GRAMD1B: variants seen among roughly 807,000 people sequenced by gnomAD.
The protein encoded by GRAMD1B is GRAM domain containing 1B.
A neutral mutation model predicts 99.7 loss-of-function variants in GRAMD1B; 37 were observed. The observed-to-expected ratio is 0.37, with a 90% CI of 0.29 to 0.49. The LOEUF (loss-of-function observed/expected upper bound fraction) is 0.49, where lower values mean the gene tolerates loss of function less well. Among genes scored for constraint, GRAMD1B ranks in the 20% least tolerant of loss-of-function variants. The probability of loss-of-function intolerance (pLI) is 0.98; values close to 1 mark genes in which losing one functional copy is unlikely to be tolerated. For missense variants in GRAMD1B, 888 were observed against 1,009.2 expected (o/e 0.88, Z 1.63); for synonymous variants, 427 against 387.6 (o/e 1.10, Z -1.19).
chr11:123,604,791 G>C (rs952470726), intron 9 of GRAMD1B, among the ~76,000 whole-genome samples: 1 of 152,184 alleles, frequency 6.6e-6, no homozygotes, highest in Non-Finnish European at 1.5e-5. Context: ...CGGCATCCCT[G>C]AAGTGTTCCT....
intron 2 of GRAMD1B, among the ~76,000 whole-genome samples, chr11:123,498,851 A>C (rs76597029): frequency 0.013 from 1,994 of 152,334 alleles, 37 homozygotes; most frequent in African/African-American, 0.045. Context: ...GTTAACATAT[A>C]TCCCAAGTGA....
At chr11:123,511,394 T>C (rs1940998893) in intron 2 of GRAMD1B, among the ~76,000 whole-genome samples, 1 of 152,174 alleles carries the variant, frequency 6.6e-6, no homozygotes, top group African/African-American at 2.4e-5. Flanking sequence ...GCCTGGGTGC[T>C]GCGCTGCTCA....
Position 123,577,416 on chromosome 11 carries a change from CG to C in GRAMD1B, c.504del (p.Lys169SerfsTer62). The C allele has an allele frequency of 6.3e-7, 1 of 1,599,280 alleles. No individual in the cohort carries two copies. The highest frequency in any genetic ancestry group is 8.5e-7 in the Non-Finnish European group (1 of 1,173,486). On this transcript the variant is annotated frameshift_variant, in exon 3 of 20. Transcript: ENST00000635736. LOFTEE classifies it high-confidence loss of function. ...CACGCCGGCCTGCTCGCCCATCCTCCGGAAGCGGTCTCGCTCGCCAACCCCG... is the reference window on the plus strand; with the variant it reads ...CACGCCGGCCTGCTCGCCCATCCTCCGAAGCGGTCTCGCTCGCCAACCCCG... ...RSTPACSPIL[R>X]KRSRSPTPQN...
At chr11:123,548,709 G>T (rs1285535779) in intron 2 of GRAMD1B, among the ~76,000 whole-genome samples, 1 of 152,114 alleles carries the variant, frequency 6.6e-6, no homozygotes, top group Non-Finnish European at 1.5e-5. Context: ...CTGAGCTCAG[G>T]TGATCCTCCC....
At chr11:123,502,646 G>C (rs59536683) in intron 2 of GRAMD1B, among the ~76,000 whole-genome samples, 9 of 151,794 alleles carry the variant, frequency 5.9e-5, no homozygotes, top group Non-Finnish European at 1.0e-4. Context: ...GTGGAAGTGC[G>C]TGCCTGTAAT....
Position 123,480,872 on chromosome 11 carries a change from GTCCTCGAGCGCGGGAAGA to G in GRAMD1B, c.432_449del (p.Ser144_Glu150delinsArg). Reference sequence around the variant, plus strand: ...GATGATGATTCTAGCAGGTTCCTGAGTCCTCGAGCGCGGGAAGAAAGGTAAGGTCCAACTCCGAGGGCG... The same window carrying G: ...GATGATGATTCTAGCAGGTTCCTGAGAAGGTAAGGTCCAACTCCGAGGGCG... On this transcript the variant is annotated inframe_deletion, in exon 2 of 20. Transcript: ENST00000635736. 1 of 398,626 alleles carries G rather than the reference GTCCTCGAGCGCGGGAAGA, an allele frequency of 2.5e-6. No individual in the cohort carries two copies. The highest frequency in any genetic ancestry group is 1.3e-4 in the South Asian group (1 of 7,816). 24.7% of individuals were successfully genotyped at this position (398,626 alleles called of 1,614,324 possible). A position where few individuals can be genotyped will look rare whatever the true frequency, so the allele number is the denominator to read the frequency against.
At chr11:123,454,859 A>G (rs1262817557) in intron 1 of GRAMD1B, 1 of 152,244 alleles carries the variant, frequency 6.6e-6, no homozygotes, top group Non-Finnish European at 1.5e-5. Flanking sequence ...TCTGAGAGAT[A>G]GGAGACATAT....
chr11:123,548,753 A>G (rs1201273535), intron 2 of GRAMD1B, among the ~76,000 whole-genome samples: 1 of 152,072 alleles, frequency 6.6e-6, no homozygotes, highest in Admixed American at 6.5e-5. Context: ...AACCTCAAAC[A>G]TGTGTCACCA....
intron 7 of GRAMD1B, among the ~76,000 whole-genome samples, chr11:123,600,033 AT>A (rs1445594362): frequency 6.6e-6 from 1 of 152,204 alleles, no homozygotes; most frequent in Non-Finnish European, 1.5e-5. Flanking sequence ...ACACATGTAG[AT>A]TAGTGCCTAA....
intron 1 of GRAMD1B, among the ~76,000 whole-genome samples, chr11:123,402,776 G>T (rs1947712418): frequency 6.6e-6 from 1 of 151,984 alleles, no homozygotes; most frequent in South Asian, 2.1e-4. Context: ...AAGTAAAGGT[G>T]GTTTTAATAC....
intron 2 of GRAMD1B, among the ~76,000 whole-genome samples, chr11:123,528,103 T>C (rs1453630274): frequency 6.6e-6 from 1 of 152,130 alleles, no homozygotes; most frequent in Non-Finnish European, 1.5e-5. Flanking sequence ...GGCCAAACCT[T>C]GTAGTTGTGG....
chr11:123,482,562 T>C (rs1951670871), intron 2 of GRAMD1B, among the ~76,000 whole-genome samples: 1 of 152,224 alleles, frequency 6.6e-6, no homozygotes, highest in Non-Finnish European at 1.5e-5. Context: ...AACAATAATA[T>C]GACACAACTA....
At chr11:123,518,139 G>A (rs746297963) in intron 2 of GRAMD1B, among the ~76,000 whole-genome samples, 17 of 152,182 alleles carry the variant, frequency 1.1e-4, no homozygotes, top group Non-Finnish European at 2.4e-4. Context: ...TCTGAGGTGT[G>A]TGCATCTTTC....
At chr11:123,557,763 T>C (rs920253023) in intron 2 of GRAMD1B, among the ~76,000 whole-genome samples, 1 of 152,210 alleles carries the variant, frequency 6.6e-6, no homozygotes, top group Admixed American at 6.5e-5. Context: ...TTTTAACCCA[T>C]TGTATTTAAT....
At chr11:123,536,146 G>A (rs1943945895) in intron 2 of GRAMD1B, among the ~76,000 whole-genome samples, 1 of 152,176 alleles carries the variant, frequency 6.6e-6, no homozygotes, top group African/African-American at 2.4e-5. Flanking sequence ...CAGGCGTGGT[G>A]ACTCACACCT....
chr11:123,525,274 C>T (rs1344784579), intron 2 of GRAMD1B, among the ~76,000 whole-genome samples: 4 of 152,202 alleles, frequency 2.6e-5, no homozygotes, highest in African/African-American at 4.8e-5. Flanking sequence ...CCTGGGAGCA[C>T]GCAGCCCTGC....
intron 1 of GRAMD1B, among the ~76,000 whole-genome samples, chr11:123,449,047 C>T (rs1187805237): frequency 6.6e-6 from 1 of 152,214 alleles, no homozygotes; most frequent in Non-Finnish European, 1.5e-5. Flanking sequence ...GTTTCATCAA[C>T]GTTGTTCCGT....
intron 1 of GRAMD1B, among the ~76,000 whole-genome samples, chr11:123,448,304 G>A (rs1371398911): frequency 6.6e-6 from 1 of 152,016 alleles, no homozygotes; most frequent in East Asian, 1.9e-4. Flanking sequence ...CCAGGCTGGA[G>A]TGCAGTGGCC....
chr11:123,390,733 G>C (rs1302269716), intron 1 of GRAMD1B, among the ~76,000 whole-genome samples: 1 of 152,126 alleles, frequency 6.6e-6, no homozygotes, highest in Non-Finnish European at 1.5e-5. Context: ...GATAATTTCT[G>C]TCCTTTCAAC....
Sources: allele counts gnomAD v4.1 joint callset (sites outside exome capture counted in the v4.1 genomes callset), GRCh38; gene constraint gnomAD v4.1.1; transcripts MANE v1.5; gene names NCBI Gene and HGNC (gene_info 2026-07-23, HGNC 2026-07-21).